The following ZNF157 variants were observed in gnomAD, a reference collection of about 807,000 sequenced individuals.
The protein encoded by ZNF157 is zinc finger protein 22.
ZNF157 carries 8 observed loss-of-function variants against 9.4 expected under a neutral mutation model. That is an observed-to-expected ratio of 0.85 (90% CI 0.50 to 1.53). The LOEUF is 1.53. Among genes scored for constraint, ZNF157 ranks in the 40% most tolerant of loss-of-function variants. ZNF157 has a pLI of 0.00. For missense variants in ZNF157, 316 were observed against 385.2 expected (o/e 0.82, Z 1.50); for synonymous variants, 120 against 130.8 (o/e 0.92, Z 0.56).
rs1370512145 is a variant in ZNF157 at position 47,412,859 on chromosome X, G to A, written c.786G>A (p.Thr262=). The change falls in exon 4 of 4, where the codon ACG becomes ACA. Residue 262 remains threonine (T), a synonymous_variant. Transcript: ENST00000377073. ...CCTTTTCTGAGAAGGCAACCCTCAC[G>A]ATTCATCAGAGAACTCACACAGGGG... The part of the protein sequence containing the change: ...GKTFSEKATL[T]IHQRTHTGEK... 3.1e-5 allele frequency: 38 copies of A among 1,210,540 alleles called. No homozygotes were observed. Among genetic ancestry groups the A allele is most frequent in the Non-Finnish European group, 3.7e-5 (33 of 895,012 alleles).
At chrX:47,405,691 A>G (rs2055944930) in intron 1 of ZNF157, among the ~76,000 whole-genome samples, 1 of 110,648 alleles carries the variant, frequency 9.0e-6, no homozygotes, top group African/African-American at 3.3e-5. Flanking sequence ...TTTTGATTGT[A>G]TAGGTTTTTA....
chrX:47,403,679 G>A (rs1338477227), intron 1 of ZNF157, among the ~76,000 whole-genome samples: 1 of 111,094 alleles, frequency 9.0e-6, no homozygotes, highest in Non-Finnish European at 1.9e-5. Context: ...GTTATATCAA[G>A]AACCAGGAAC....
chrX:47,402,359 A>T (rs1449153441), intron 1 of ZNF157, among the ~76,000 whole-genome samples: 8 of 110,656 alleles, frequency 7.2e-5, no homozygotes, highest in Non-Finnish European at 1.5e-4. Flanking sequence ...CTTACTGATT[A>T]TGTGGTTTAG....
intron 1 of ZNF157, among the ~76,000 whole-genome samples, chrX:47,400,953 A>T (rs2055928832): frequency 8.9e-6 from 1 of 111,974 alleles, no homozygotes; most frequent in South Asian, 3.7e-4. Context: ...CCCTGTGCTC[A>T]GTCATGAGAG....
Position 47,412,883 on chromosome X carries a change from G to A in ZNF157, c.810G>A (p.Gly270=). 8.3e-7 allele frequency: 1 copy of A among 1,210,903 alleles called. No homozygotes were observed. The highest frequency in any genetic ancestry group is 1.1e-6 in the Non-Finnish European group (1 of 895,156). Residue 270 remains glycine, a synonymous_variant, in exon 4 of 4, where the codon GGG becomes GGA. Coordinates refer to ENST00000377073, the MANE Select transcript of ZNF157 (RefSeq NM_003446.4). ...CGATTCATCAGAGAACTCACACAGGGGAGAAACCCTATGAATGTAGTGAAT... is the reference window on the plus strand; with the variant it reads ...CGATTCATCAGAGAACTCACACAGGAGAGAAACCCTATGAATGTAGTGAAT... ...TLTIHQRTHT[G]EKPYECSECG...
intron 1 of ZNF157, among the ~76,000 whole-genome samples, chrX:47,405,002 A>G (rs1451628638): frequency 9.1e-6 from 1 of 110,362 alleles, no homozygotes; most frequent in African/African-American, 3.3e-5. Flanking sequence ...GAAGCAAGGC[A>G]TGTCTCACAT....
intron 1 of ZNF157, among the ~76,000 whole-genome samples, chrX:47,403,908 G>A (rs1198329967): frequency 1.8e-5 from 2 of 111,593 alleles, no homozygotes; most frequent in Admixed American, 9.6e-5. Flanking sequence ...AGAGGCTCAC[G>A]CCTGTAATCC....
intron 1 of ZNF157, among the ~76,000 whole-genome samples, chrX:47,407,624 G>A (rs1047099736): frequency 8.9e-6 from 1 of 111,819 alleles, no homozygotes; most frequent in Admixed American, 9.6e-5. Context: ...AAAAATGTTC[G>A]TGGCATTCTC....
intron 1 of ZNF157, among the ~76,000 whole-genome samples, chrX:47,384,031 AG>A (rs1201860175): frequency 1.8e-5 from 2 of 109,381 alleles, no homozygotes; most frequent in Non-Finnish European, 3.8e-5. Context: ...CCACTTTGGG[AG>A]GCCGAGGCGG....
intron 1 of ZNF157, among the ~76,000 whole-genome samples, chrX:47,402,838 G>A (rs756132847): frequency 5.5e-5 from 6 of 108,567 alleles, no homozygotes; most frequent in Admixed American, 1.0e-4. Flanking sequence ...CACCGTGCCC[G>A]GCCTAAAGAT....
chrX:47,383,242 G>C (rs1440678157), intron 1 of ZNF157, among the ~76,000 whole-genome samples: 1 of 106,549 alleles, frequency 9.4e-6, no homozygotes, highest in Non-Finnish European at 1.9e-5. Flanking sequence ...CGTGGTGGCG[G>C]GCACCTGTAG....
At position 47,382,508 on chromosome X, in the gene ZNF157, C is replaced by T. The variant is rs886180825; in HGVS notation, c.72+11768C>T. On this transcript the variant is annotated intron_variant, in intron 1 of 3. Transcript: ENST00000377073. ...TGCTGGGATTACAGGCATGAGCCAC[C>T]GCACCCAGCCCAGAACATCTTAAGG... is the stretch of plus-strand genomic sequence containing the variant. 2.4e-4 allele frequency among the ~76,000 whole-genome samples: 26 copies of T among 106,922 alleles called. No individual in the cohort carries two copies. In the Admixed American group the frequency reaches 2.5e-3, roughly 10 times the overall value. 92.8% of individuals were successfully genotyped at this position (106,922 alleles called of 115,157 possible). A position where few individuals can be genotyped will look rare whatever the true frequency, so the allele number is the denominator to read the frequency against.
intron 2 of ZNF157, 74 bp from the exon 3 acceptor site, chrX:47,410,606 C>T (rs754964376): frequency 5.1e-5 from 52 of 1,014,170 alleles, no homozygotes; most frequent in Non-Finnish European, 6.9e-5. Flanking sequence ...CATGAAGATG[C>T]ACCTTCCTCC....
intron 1 of ZNF157, among the ~76,000 whole-genome samples, chrX:47,406,376 CTCTT>C (rs1381484186): frequency 9.1e-6 from 1 of 109,721 alleles, no homozygotes; most frequent in Admixed American, 9.9e-5. Flanking sequence ...CTCTCTCTCT[CTCTT>C]TTTCTTTTTT....
intron 1 of ZNF157, among the ~76,000 whole-genome samples, chrX:47,396,496 G>C (rs1246997017): frequency 6.3e-5 from 7 of 110,364 alleles, no homozygotes; most frequent in Non-Finnish European, 1.3e-4. Flanking sequence ...CCGAGATCGC[G>C]CCATTGCACT....
chrX:47,384,855 T>C (rs1411126985), intron 1 of ZNF157, among the ~76,000 whole-genome samples: 1 of 112,413 alleles, frequency 8.9e-6, no homozygotes, highest in African/African-American at 3.2e-5. Flanking sequence ...GGTGTAACGC[T>C]CCAATAGGGA....
chrX:47,385,086 G>A (rs917233513), intron 1 of ZNF157, among the ~76,000 whole-genome samples: 4 of 111,553 alleles, frequency 3.6e-5, no homozygotes, highest in Non-Finnish European at 7.5e-5. Flanking sequence ...GTTCCAAGGC[G>A]AATGGACTGC....
At chrX:47,405,760 G>A (rs910721720) in intron 1 of ZNF157, among the ~76,000 whole-genome samples, 2 of 111,634 alleles carry the variant, frequency 1.8e-5, no homozygotes, top group African/African-American at 3.3e-5. Flanking sequence ...CCAGACATAC[G>A]TAATAGTAAT....
At chrX:47,380,992 AAGG>A (rs1225753204) in intron 1 of ZNF157, among the ~76,000 whole-genome samples, 20 of 44,281 alleles carry the variant, frequency 4.5e-4, no homozygotes, top group South Asian at 1.3e-3. Flanking sequence ...GGAGAAAGAG[AAGG>A]AGGAGGAGGA....
Sources: allele counts gnomAD v4.1 joint callset (sites outside exome capture counted in the v4.1 genomes callset), GRCh38; gene constraint gnomAD v4.1.1; transcripts MANE v1.5; gene names NCBI Gene and HGNC (gene_info 2026-07-23, HGNC 2026-07-21).